The following C2CD5 variants were observed in gnomAD, a reference collection of about 807,000 sequenced individuals.
C2CD5 encodes C2 calcium dependent domain containing 5, also known as C2 domain-containing protein 5.
Under a neutral mutation model 130.3 loss-of-function variants are expected in C2CD5, and 109 were observed. The ratio of observed to expected loss-of-function variants is 0.84; its 90% CI spans 0.72 to 0.98. The LOEUF (loss-of-function observed/expected upper bound fraction) is 0.98, where lower values mean the gene tolerates loss of function less well. C2CD5 is among the 50% of genes least tolerant of loss of function. The pLI, the probability that C2CD5 is intolerant of heterozygous loss-of-function variation, is 0.00. For missense variants in C2CD5, 996 were observed against 1,261.8 expected, an observed-to-expected ratio of 0.79 and a Z score of 3.19; for synonymous variants, 454 against 429.2, an observed-to-expected ratio of 1.06 and a Z score of -0.71.
intron 12 of C2CD5, among the ~76,000 whole-genome samples, chr12:22,489,223 G>C (rs1946018288): frequency 6.6e-6 from 1 of 151,660 alleles, no homozygotes; most frequent in East Asian, 1.9e-4. Context: ...ACTGGGGAGG[G>C]GGGAAGTAAA....
intron 2 of C2CD5, among the ~76,000 whole-genome samples, chr12:22,541,342 C>T (rs1952359876): frequency 6.6e-6 from 1 of 152,134 alleles, no homozygotes; most frequent in African/African-American, 2.4e-5. Flanking sequence ...TATAGAATCT[C>T]CTAACTGCCT....
chr12:22,461,296 C>G (rs1226088390), intron 22 of C2CD5, among the ~76,000 whole-genome samples: 2 of 152,130 alleles, frequency 1.3e-5, no homozygotes, highest in Non-Finnish European at 2.9e-5. Context: ...GAACATATAG[C>G]TGGCATTAGG....
intron 10 of C2CD5, among the ~76,000 whole-genome samples, chr12:22,506,161 A>G (rs1277969117): frequency 6.6e-6 from 1 of 151,998 alleles, no homozygotes; most frequent in Non-Finnish European, 1.5e-5. Flanking sequence ...ATCTGTTCCT[A>G]TGACACCCAC....
intron 15 of C2CD5, among the ~76,000 whole-genome samples, chr12:22,476,915 T>C (rs1227309158): frequency 6.6e-6 from 1 of 152,096 alleles, no homozygotes; most frequent in African/African-American, 2.4e-5. Flanking sequence ...TATCAAAATA[T>C]AACTACCAAA....
chr12:22,507,015 T>C, intron 9 of C2CD5, 196 bp from the exon 10 acceptor site: 1 of 440,456 alleles, frequency 2.3e-6, no homozygotes, highest in Non-Finnish European at 4.1e-6. Flanking sequence ...ATATATACAA[T>C]GTTATACAGA....
At chr12:22,513,187 T>C (rs1403532034) in intron 9 of C2CD5, 107 bp downstream of exon 9, 3 of 757,872 alleles carry the variant, frequency 4.0e-6, no homozygotes, top group African/African-American at 3.5e-5. Context: ...TGCAATATTA[T>C]AGATATGTAA....
intron 10 of C2CD5, among the ~76,000 whole-genome samples, chr12:22,498,464 G>A (rs1441335286): frequency 6.6e-6 from 1 of 152,034 alleles, no homozygotes; most frequent in East Asian, 1.9e-4. Flanking sequence ...TATATAATCA[G>A]CTGACCCACA....
At chr12:22,522,089 C>T (rs1277809924) in intron 7 of C2CD5, among the ~76,000 whole-genome samples, 2 of 152,314 alleles carry the variant, frequency 1.3e-5, no homozygotes, top group African/African-American at 4.8e-5. Context: ...TATTCACTTG[C>T]ATACTGTTTA....
At chr12:22,468,051 T>C (rs1942384501) in intron 22 of C2CD5, among the ~76,000 whole-genome samples, 1 of 150,672 alleles carries the variant, frequency 6.6e-6, no homozygotes, top group Non-Finnish European at 1.5e-5. Context: ...ATCAAACCTT[T>C]GTCGATTAGG....
intron 6 of C2CD5, among the ~76,000 whole-genome samples, chr12:22,523,859 G>C (rs1006842968): frequency 6.6e-6 from 1 of 150,818 alleles, no homozygotes; most frequent in African/African-American, 2.5e-5. Context: ...CAAATATATA[G>C]AATAAAAACA....
chr12:22,531,567 G>A (rs1338740590), intron 3 of C2CD5, among the ~76,000 whole-genome samples: 1 of 152,106 alleles, frequency 6.6e-6, no homozygotes, highest in African/African-American at 2.4e-5. Flanking sequence ...TGTTCTAGCA[G>A]ATAACATGGA....
intron 10 of C2CD5, chr12:22,497,514 A>G (rs1947175882): frequency 2.7e-6 from 1 of 367,232 alleles, no homozygotes; most frequent in Non-Finnish European, 3.8e-6. Context: ...TGGATCAAAT[A>G]AAGGTTAATA....
rs139364979 is a variant in C2CD5 at position 22,518,213 on chromosome 12, C to T, written c.801-76G>A. 7,117 of 1,409,328 alleles carry T rather than the reference C, an allele frequency of 5.0e-3. 23 individuals carry two copies. The highest frequency in any genetic ancestry group is 6.5e-3 in the Non-Finnish European group (6,515 of 996,050). The allele number at this position is 1,409,328 out of a possible 1,614,324, so 87.3% of individuals were successfully genotyped here. Reference sequence around the variant, plus strand: ...GACAGGTGGCAGCATGATCCAAACACCAGGAAAGAATTGGGGCAGGGCCAG... The same window carrying T: ...GACAGGTGGCAGCATGATCCAAACATCAGGAAAGAATTGGGGCAGGGCCAG... On this transcript the variant is annotated intron_variant, in intron 7 of 26. Transcript: ENST00000446597.
intron 4 of C2CD5, among the ~76,000 whole-genome samples, chr12:22,526,052 T>A (rs979607534): frequency 6.6e-5 from 10 of 152,212 alleles, no homozygotes; most frequent in African/African-American, 2.4e-4. Context: ...TGGGATGAGT[T>A]TATCTGGATA....
intron 9 of C2CD5, 36 bp downstream of exon 9, chr12:22,513,258 A>C: frequency 3.0e-6 from 4 of 1,344,100 alleles, no homozygotes; most frequent in Non-Finnish European, 4.3e-6. Context: ...AGTCATATTA[A>C]CAGTGTAAGA....
rs536242734 is a variant in C2CD5 at position 22,520,123 on chromosome 12, G to T, written c.801-1986C>A. Reference sequence around the variant, plus strand: ...GGATTACATTGAATGTTGTAAAAAGGTATACTACATAAATAAGAATCCTGA... The same window carrying T: ...GGATTACATTGAATGTTGTAAAAAGTTATACTACATAAATAAGAATCCTGA... On this transcript the variant is annotated intron_variant, in intron 7 of 26. Coordinates refer to ENST00000446597, the MANE Select transcript of C2CD5 (RefSeq NM_001286176.2). 1.3e-5 allele frequency among the ~76,000 whole-genome samples: 2 copies of T among 152,144 alleles called. 1 individual carries two copies. The highest frequency in any genetic ancestry group is 4.1e-4 in the South Asian group (2 of 4,820).
intron 21 of C2CD5, 128 bp downstream of exon 21, chr12:22,470,696 A>T: frequency 1.6e-6 from 1 of 621,022 alleles, no homozygotes; most frequent in East Asian, 2.8e-5. Context: ...CATAAAGATG[A>T]ACAGAAAAAG....
chr12:22,519,101 G>A, intron 7 of C2CD5: 2 of 1,532,896 alleles, frequency 1.3e-6, no homozygotes, highest in Non-Finnish European at 8.7e-7. Context: ...TCTGGAGTCT[G>A]AGCAGTCTCG....
At chr12:22,518,888 A>T (rs7309153) in intron 7 of C2CD5, among the ~76,000 whole-genome samples, 5,402 of 152,306 alleles carry the variant, frequency 0.035, 352 homozygotes, top group African/African-American at 0.12. Context: ...TTATTTGAGG[A>T]TCTGTGGAAG....
Sources: allele counts gnomAD v4.1 joint callset (sites outside exome capture counted in the v4.1 genomes callset), GRCh38; gene constraint gnomAD v4.1.1; transcripts MANE v1.5; gene names NCBI Gene and HGNC (gene_info 2026-07-23, HGNC 2026-07-21).